The following PYGO1 variants were observed in gnomAD, a reference collection of about 807,000 sequenced individuals.
The protein encoded by PYGO1 is pygopus family PHD finger 1, also known as pygopus homolog 1.
A neutral mutation model predicts 29.5 loss-of-function variants in PYGO1; 6 were observed. That is an observed-to-expected ratio of 0.20 (90% CI 0.11 to 0.40). PYGO1 has a LOEUF of 0.40. Among genes scored for constraint, PYGO1 ranks in the 10% least tolerant of loss-of-function variants. PYGO1 has a pLI of 1.00. For missense variants in PYGO1, 515 were observed against 514.9 expected (o/e 1.00, Z 0.00); for synonymous variants, 186 against 180.5 (o/e 1.03, Z -0.24).
chr15:55,553,134 A>G (rs1295002785), intron 1 of PYGO1, among the ~76,000 whole-genome samples: 1 of 152,216 alleles, frequency 6.6e-6, no homozygotes, highest in African/African-American at 2.4e-5. Flanking sequence ...GATCATGGCC[A>G]GACTACTTCC....
intron 1 of PYGO1, among the ~76,000 whole-genome samples, chr15:55,555,461 TA>T (rs2141653419): frequency 7.2e-6 from 1 of 138,076 alleles, no homozygotes; most frequent in South Asian, 2.3e-4. Context: ...ATTAACCAGC[TA>T]ACATCATGAT....
In PYGO1 at chr15:55,565,120, G is replaced by A. The variant is rs139140642; in HGVS notation, c.50-16125C>T. Among the ~76,000 whole-genome samples, 683 of 152,204 alleles carry A rather than the reference G, an allele frequency of 4.5e-3. 3 individuals are homozygous for A. The highest frequency in any genetic ancestry group is 0.015 in the African/African-American group (636 of 41,526). ...AGGTTCATGTAATTAGTTCAGGTCC[G>A]CCCAGTTAATCTCCCTATCTCCAGG... On this transcript the variant is annotated intron_variant, in intron 1 of 2. Transcript: ENST00000563719.
At position 55,543,870 on chromosome 15, in the gene PYGO1, G is replaced by A. The variant is rs1486309109; in HGVS notation, c.*2153C>T. Reference sequence around the variant, plus strand: ...AAAATCAGCACTCATTAAACTTTCAGGAGCAACATAACTAGGTCCTTAAAC... The same window carrying A: ...AAAATCAGCACTCATTAAACTTTCAAGAGCAACATAACTAGGTCCTTAAAC... On this transcript the variant is annotated 3_prime_UTR_variant, in exon 3 of 3. Transcript: ENST00000563719. 1 of 152,096 alleles carries A rather than the reference G, an allele frequency of 6.6e-6. No homozygotes were observed. The highest frequency in any genetic ancestry group is 1.5e-5 in the Non-Finnish European group (1 of 68,012). The allele number at this position is 152,096 out of a possible 1,614,324, so 9.4% of individuals were successfully genotyped here. A position where few individuals can be genotyped will look rare whatever the true frequency, so the allele number is the denominator to read the frequency against.
chr15:55,566,383 T>C (rs2058956678), intron 1 of PYGO1, among the ~76,000 whole-genome samples: 1 of 40,222 alleles, frequency 2.5e-5, no homozygotes, highest in Admixed American at 3.9e-4. Context: ...GCATTCATAT[T>C]GCTACAAAAA....
At position 55,542,970 on chromosome 15, in the gene PYGO1, A is replaced by AC. The variant is rs370544163; in HGVS notation, c.*3052dup. ...AACAAAACAAAAAAAACAAAAAAAAACCCACCTTTCTGTCAATAACCTAGC... is the reference window on the plus strand; with the variant it reads ...AACAAAACAAAAAAAACAAAAAAAAACCCCACCTTTCTGTCAATAACCTAGC... On this transcript the variant is annotated 3_prime_UTR_variant, in exon 3 of 3. Transcript: ENST00000563719. 6.6e-5 allele frequency: 10 copies of AC among 151,686 alleles called. No individual in the cohort carries two copies. The highest frequency in any genetic ancestry group is 9.7e-5 in the African/African-American group (4 of 41,154). The allele number at this position is 151,686 out of a possible 1,614,324, so 9.4% of individuals were successfully genotyped here.
chr15:55,550,303 T>A (rs1304889384), intron 1 of PYGO1, among the ~76,000 whole-genome samples: 4 of 152,184 alleles, frequency 2.6e-5, no homozygotes, highest in Non-Finnish European at 5.9e-5. Context: ...ACTGGGACTT[T>A]GCAAACTACA....
intron 1 of PYGO1, among the ~76,000 whole-genome samples, chr15:55,573,208 G>A (rs1241529648): frequency 6.6e-6 from 1 of 151,980 alleles, no homozygotes; most frequent in East Asian, 1.9e-4. Context: ...TAGGAGGCTG[G>A]GGCAGGAGAA....
rs542038034 is a variant in PYGO1 at position 55,588,183 on chromosome 15, G to GCGCCGCCGCCGC, written c.-312_-301dup. 1 of 342,800 alleles carries GCGCCGCCGCCGC rather than the reference G, an allele frequency of 2.9e-6. No individual in the cohort carries two copies. Among genetic ancestry groups the GCGCCGCCGCCGC allele is most frequent in the African/African-American group, 2.3e-5 (1 of 44,246 alleles). 21.2% of individuals were successfully genotyped at this position (342,800 alleles called of 1,614,324 possible). A position where few individuals can be genotyped will look rare whatever the true frequency, so the allele number is the denominator to read the frequency against. On this transcript the variant is annotated 5_prime_UTR_variant, in exon 1 of 3. Coordinates refer to ENST00000563719, the MANE Select transcript of PYGO1 (RefSeq NM_001367806.1). ...GGGCCGGCATGTGCTGAGGGCGAGT[G>GCGCCGCCGCCGC]CGCCGCCGCCGCCGCCGCCTCCTCC... is the stretch of plus-strand genomic sequence containing the variant.
intron 1 of PYGO1, among the ~76,000 whole-genome samples, chr15:55,567,545 C>T (rs906023322): frequency 2.0e-5 from 3 of 152,048 alleles, no homozygotes; most frequent in African/African-American, 7.2e-5. Context: ...TGAATATATT[C>T]TCCCTTCTGT....
rs938784151 is a variant in PYGO1, at chr15:55,588,277, C to T, written c.-394G>A. Among the ~76,000 whole-genome samples the T allele has an allele frequency of 3.4e-5, 5 of 148,928 alleles. No individual in the cohort carries two copies. The highest frequency in any genetic ancestry group is 4.9e-5 in the African/African-American group (2 of 41,120). Reference sequence around the variant, plus strand: ...GAAGCAGGAGGCTCGCGGCCCGGCCCTGGCGGCACACTCACAGCGCCCTCT... The same window carrying T: ...GAAGCAGGAGGCTCGCGGCCCGGCCTTGGCGGCACACTCACAGCGCCCTCT... On this transcript the variant is annotated 5_prime_UTR_variant, in exon 1 of 3. Coordinates refer to ENST00000563719, the MANE Select transcript of PYGO1 (RefSeq NM_001367806.1).
chr15:55,557,961 C>G (rs2058914347), intron 1 of PYGO1, among the ~76,000 whole-genome samples: 1 of 152,172 alleles, frequency 6.6e-6, no homozygotes, highest in African/African-American at 2.4e-5. Flanking sequence ...CTTACCACTC[C>G]TATTCAACAC....
intron 1 of PYGO1, among the ~76,000 whole-genome samples, chr15:55,561,239 A>G (rs1473720900): frequency 1.3e-5 from 2 of 152,182 alleles, no homozygotes; most frequent in South Asian, 2.1e-4. Context: ...AATGGGGAAT[A>G]GATTCTCTAT....
chr15:55,569,886 G>A (rs902370218), intron 1 of PYGO1, among the ~76,000 whole-genome samples: 6 of 152,176 alleles, frequency 3.9e-5, no homozygotes, highest in African/African-American at 1.4e-4. Flanking sequence ...TGCACTGCCA[G>A]GTCACCAAGG....
rs1461794146 is a variant in PYGO1 at position 55,588,053 on chromosome 15, G to A, written c.-170C>T. On this transcript the variant is annotated 5_prime_UTR_variant, in exon 1 of 3. Transcript: ENST00000563719. ...CGGGCCGACTTTGCAAAGTTTGGGA[G>A]GAGGACGAGGCCTCGGGGCGGCGGG... is the stretch of plus-strand genomic sequence containing the variant. 3.4e-6 allele frequency: 4 copies of A among 1,174,484 alleles called. No individual in the cohort carries two copies. In the African/African-American group the frequency reaches 6.5e-5, roughly 19 times the overall value. 72.8% of individuals were successfully genotyped at this position (1,174,484 alleles called of 1,614,324 possible). A position where few individuals can be genotyped will look rare whatever the true frequency, so the allele number is the denominator to read the frequency against.
intron 1 of PYGO1, among the ~76,000 whole-genome samples, chr15:55,573,000 T>C (rs2058986353): frequency 8.2e-6 from 1 of 121,434 alleles, no homozygotes; most frequent in East Asian, 2.3e-4. Context: ...ACAGTGAGAC[T>C]CTGTCTTTAA....
intron 1 of PYGO1, among the ~76,000 whole-genome samples, chr15:55,583,958 T>C (rs1219343965): frequency 6.6e-6 from 1 of 152,222 alleles, no homozygotes; most frequent in African/African-American, 2.4e-5. Context: ...TCACTACTTC[T>C]TAGAATTCTT....
chr15:55,557,481 C>T (rs11071190), intron 1 of PYGO1, among the ~76,000 whole-genome samples: 57,194 of 152,028 alleles, frequency 0.38, 13,866 homozygotes, highest in Non-Finnish European at 0.55. Context: ...GAATCCTCCC[C>T]AACTCATTTT....
chr15:55,586,173 G>C (rs2059045364), intron 1 of PYGO1, among the ~76,000 whole-genome samples: 1 of 152,126 alleles, frequency 6.6e-6, no homozygotes, highest in Admixed American at 6.5e-5. Context: ...ACTTAAGTCA[G>C]CCGGAAATTT....
intron 1 of PYGO1, among the ~76,000 whole-genome samples, chr15:55,564,888 A>G (rs1202795593): frequency 6.6e-6 from 1 of 152,158 alleles, no homozygotes; most frequent in African/African-American, 2.4e-5. Flanking sequence ...CAATCTCATC[A>G]TTCTTGTCTG....
Sources: gnomAD v4.1 joint callset for allele counts (sites outside exome capture counted in the v4.1 genomes callset) on GRCh38, gnomAD v4.1.1 for gene constraint, MANE v1.5 for transcripts, NCBI Gene and HGNC (gene_info 2026-07-23, HGNC 2026-07-21) for gene names.